Variants in DCAF1 observed in about 807,000 individuals in gnomAD.
DCAF1 encodes DDB1- and CUL4-associated factor 1.
In DCAF1, 15 loss-of-function variants were observed where a neutral mutation model predicts 128.0. That is an observed-to-expected ratio of 0.12 (90% confidence interval 0.08 to 0.18). The LOEUF (loss-of-function observed/expected upper bound fraction) is 0.18, where lower values mean the gene tolerates loss of function less well. Among genes scored for constraint, DCAF1 ranks in the 10% least tolerant of loss-of-function variants. DCAF1 has a pLI of 1.00. For synonymous variants in DCAF1, 610 were observed against 603.0 expected (o/e 1.01, Z -0.17); for missense variants, 988 against 1,649.5 (o/e 0.60, Z 6.95).
intron 4 of DCAF1, 61 bp from the exon 5 acceptor site, chr3:51,466,937 C>T (rs1214211200): frequency 1.3e-6 from 2 of 1,520,154 alleles, no homozygotes; most frequent in Admixed American, 1.8e-5. Context: ...AGTCAAGCAA[C>T]TTAGACCTCT....
chr3:51,504,160 C>G (rs1457501474), upstream of DCAF1, among the ~76,000 whole-genome samples: 2 of 151,814 alleles, frequency 1.3e-5, no homozygotes, highest in African/African-American at 4.8e-5. Context: ...CCTCAGCATC[C>G]TGAGTAGCTG....
At chr3:51,464,214 T>C (rs1703901849) in intron 5 of DCAF1, among the ~76,000 whole-genome samples, 1 of 151,618 alleles carries the variant, frequency 6.6e-6, no homozygotes, top group Non-Finnish European at 1.5e-5. Flanking sequence ...GAGCTCCATA[T>C]TCTTGACAAT....
chr3:51,473,480 G>T (rs1438655661), intron 3 of DCAF1, among the ~76,000 whole-genome samples: 2 of 59,862 alleles, frequency 3.3e-5, no homozygotes, highest in Non-Finnish European at 3.0e-5. Context: ...GACAGAATGA[G>T]ACTCCATCTC....
chr3:51,467,694 G>A (rs1018023667), intron 4 of DCAF1, among the ~76,000 whole-genome samples: 5 of 151,808 alleles, frequency 3.3e-5, no homozygotes, highest in Non-Finnish European at 5.9e-5. Flanking sequence ...AAATAACAAC[G>A]TAAAAACTTG....
chr3:51,437,445 T>A (rs1411110091), intron 9 of DCAF1: 1 of 498,622 alleles, frequency 2.0e-6, no homozygotes, highest in Admixed American at 2.1e-5. Context: ...GTTGAATGAA[T>A]AACAATGTGG....
chr3:51,442,549 A>C (rs1012333512), intron 7 of DCAF1, among the ~76,000 whole-genome samples: 5 of 151,960 alleles, frequency 3.3e-5, no homozygotes, highest in Admixed American at 2.6e-4. Flanking sequence ...AATACAAAAA[A>C]TTTCCAGGGT....
At chr3:51,459,533 G>A (rs1338923779) in intron 6 of DCAF1, among the ~76,000 whole-genome samples, 3 of 152,160 alleles carry the variant, frequency 2.0e-5, no homozygotes, top group Non-Finnish European at 2.9e-5. Context: ...CAGAAAAAGA[G>A]GGAATCCTCC....
Position 51,427,484 on chromosome 3 carries a change from C to T in DCAF1, c.1735G>A (p.Gly579Ser), listed in dbSNP as rs1553634436. 1 of 777,602 alleles carries T rather than the reference C, an allele frequency of 1.3e-6. No homozygotes were observed. Among genetic ancestry groups the T allele is most frequent in the East Asian group, 2.4e-5 (1 of 41,154 alleles). The allele number at this position is 777,602 out of a possible 1,614,324, so 48.2% of individuals were successfully genotyped here. A position where few individuals can be genotyped will look rare whatever the true frequency, so the allele number is the denominator to read the frequency against. The change falls in exon 13 of 25, where the codon GGC (glycine) becomes AGC (serine). Residue 579 changes from glycine (G) to serine (S), a missense_variant. Transcript: ENST00000684031. ...VEMMEFLIEY[G>S]PAQLYWEPAE... ...GGTTCCCAATATAGCTGCGCTGGGC[C>T]ATATTCTATCAAAAATTCCATCATT... is the stretch of plus-strand genomic sequence containing the variant.
intron 13 of DCAF1, 57 bp downstream of exon 13, chr3:51,427,315 A>G (rs766565799): frequency 3.1e-6 from 2 of 645,036 alleles, no homozygotes; most frequent in Non-Finnish European, 5.7e-6. Context: ...GCAAACCAAC[A>G]TCAACTTTAA....
chr3:51,427,825 G>C (rs1700034596), intron 12 of DCAF1, among the ~76,000 whole-genome samples: 1 of 152,042 alleles, frequency 6.6e-6, no homozygotes. Flanking sequence ...TAGAGACAGG[G>C]TCTCATTTTG....
chr3:51,503,824 C>T (rs1242758234), upstream of DCAF1, among the ~76,000 whole-genome samples: 1 of 152,124 alleles, frequency 6.6e-6, no homozygotes, highest in Non-Finnish European at 1.5e-5. Flanking sequence ...TCTCACTTTA[C>T]AGAGAAAGAA....
intron 6 of DCAF1, among the ~76,000 whole-genome samples, chr3:51,453,021 A>C (rs1232552302): frequency 1.3e-5 from 2 of 151,906 alleles, no homozygotes; most frequent in Non-Finnish European, 1.5e-5. Flanking sequence ...GTCTCAAAAA[A>C]AAAAAAAAAA....
intron 23 of DCAF1, 98 bp from the exon 24 acceptor site, chr3:51,403,493 C>G: frequency 6.7e-7 from 1 of 1,498,046 alleles, no homozygotes; most frequent in Non-Finnish European, 8.9e-7. Flanking sequence ...AGGAAACTGT[C>G]AGTAGAGGGT....
At chr3:51,402,566 A>ATTC (rs2089791037) in intron 24 of DCAF1, among the ~76,000 whole-genome samples, 1 of 84,984 alleles carries the variant, frequency 1.2e-5, no homozygotes, top group Non-Finnish European at 2.0e-5. Flanking sequence ...CCTACAAAGC[A>ATTC]TTTTTTTTTT....
chr3:51,420,000 T>A lies in DCAF1; in HGVS notation c.2970A>T (p.Ile990=), dbSNP rs781867633. The change falls in exon 15 of 25, where the codon ATA becomes ATT. Residue 990 remains isoleucine (I), a synonymous_variant. Coordinates refer to ENST00000684031, the MANE Select transcript of DCAF1 (RefSeq NM_001387579.1). ...GAAGATGTCTGTCCAGCTGTTTTTT[T>A]ATGGCTGGGCTTTGGCTGTAGGCAC... ...DHGAYSQSPA[I]KKQLDRHLPS... 2.5e-6 allele frequency: 4 copies of A among 1,614,034 alleles called. No homozygotes were observed. Among genetic ancestry groups the A allele is most frequent in the Non-Finnish European group, 3.4e-6 (4 of 1,179,894 alleles).
At chr3:51,456,726 A>T (rs1033891611) in intron 6 of DCAF1, among the ~76,000 whole-genome samples, 2 of 152,202 alleles carry the variant, frequency 1.3e-5, no homozygotes, top group African/African-American at 2.4e-5. Context: ...TTCCAGAGGA[A>T]CGATCAGGCA....
At chr3:51,454,259 C>T (rs1702653287) in intron 6 of DCAF1, among the ~76,000 whole-genome samples, 2 of 152,066 alleles carry the variant, frequency 1.3e-5, no homozygotes, top group African/African-American at 2.4e-5. Context: ...CAGGCTACAT[C>T]GCCAGTCTTG....
rs1553631420 is a variant in DCAF1, at chr3:51,418,795, C to T, written c.3318G>A (p.Arg1106=). Reference sequence around the variant, plus strand: ...CTGTGCAGGTGCCAAGCATCAGGAACCGCTCCCGTGCTGAGAATGCACAGC... The same window carrying T: ...CTGTGCAGGTGCCAAGCATCAGGAATCGCTCCCGTGCTGAGAATGCACAGC... ...FTCCAFSARE[R]FLMLGTCTGQ... is the part of the protein sequence containing the mutation. The change falls in exon 16 of 25, where the codon CGG becomes CGA. Residue 1106 remains arginine, a synonymous_variant. Transcript: ENST00000684031. The T allele has an allele frequency of 3.1e-6, 5 of 1,613,980 alleles. No individual in the cohort carries two copies. Among genetic ancestry groups the T allele is most frequent in the Admixed American group, 1.7e-5 (1 of 60,020 alleles).
intron 3 of DCAF1, among the ~76,000 whole-genome samples, chr3:51,477,078 T>G (rs1401066943): frequency 6.6e-6 from 1 of 151,366 alleles, no homozygotes; most frequent in African/African-American, 2.4e-5. Flanking sequence ...TGAGACTCCA[T>G]CTCAAAACAA....
Sources: allele counts gnomAD v4.1 joint callset (sites outside exome capture counted in the v4.1 genomes callset), GRCh38; gene constraint gnomAD v4.1.1; transcripts MANE v1.5; gene names NCBI Gene and HGNC (gene_info 2026-07-23, HGNC 2026-07-21).